HSF5: variants seen among roughly 807,000 people sequenced by gnomAD.
HSF5 encodes heat shock factor protein 5.
Under a neutral mutation model 50.8 loss-of-function variants are expected in HSF5, and 5 were observed. That is an observed-to-expected ratio of 0.10 (90% CI 0.05 to 0.21). The LOEUF (loss-of-function observed/expected upper bound fraction) is 0.21. HSF5 is among the 10% of genes least tolerant of loss of function. The pLI is 1.00. For missense variants in HSF5, 564 were observed against 762.6 expected, an observed-to-expected ratio of 0.74 and a Z score of 3.07; for synonymous variants, 307 against 307.4, an observed-to-expected ratio of 1.00 and a Z score of 0.02.
At chr17:58,434,000 G>A (rs916592351) in intron 5 of HSF5, among the ~76,000 whole-genome samples, 7 of 144,776 alleles carry the variant, frequency 4.8e-5, no homozygotes, top group African/African-American at 1.8e-4. Context: ...TGCAACCTCC[G>A]CCTCCCGGAT....
chr17:58,465,533 CATGAAAAATGGCCAGCTA>C, intron 3 of HSF5, among the ~76,000 whole-genome samples: 1 of 151,346 alleles, frequency 6.6e-6, no homozygotes, highest in South Asian at 2.1e-4. Flanking sequence ...TCATATCAGC[CATGAAAAATGGCCAGCTA>C]AGTCCCCTTG....
At position 58,423,468 on chromosome 17, in the gene HSF5, A is replaced by AACATG. The variant is rs1974251515; in HGVS notation, c.1721-1043_1721-1039dup. 3.3e-5 allele frequency among the ~76,000 whole-genome samples: 5 copies of AACATG among 151,544 alleles called. No homozygotes were observed. In the South Asian group the frequency reaches 1.1e-3, roughly 32 times the overall value. The stretch of plus-strand genomic sequence containing the variant: ...CTAATGTGCTTACAACTTCTAGAGC[A>AACATG]ACATGACCAGGGAGCTTTTTTTTTT... On this transcript the variant is annotated intron_variant, in intron 5 of 5. Transcript: ENST00000323777.
chr17:58,441,342 C>T (rs1421888969), intron 5 of HSF5, among the ~76,000 whole-genome samples: 1 of 151,952 alleles, frequency 6.6e-6, no homozygotes, highest in African/African-American at 2.4e-5. Flanking sequence ...AAATACAACA[C>T]CAAACTTTGC....
chr17:58,477,004 G>A (rs1567917971), intron 2 of HSF5: 3 of 581,510 alleles, frequency 5.2e-6, no homozygotes, highest in East Asian at 5.7e-5. Context: ...GGAACAGGCA[G>A]GCAGCTTCCC....
Position 58,422,284 on chromosome 17 carries a change from C to T in HSF5, c.*76G>A. 1 of 1,056,698 alleles carries T rather than the reference C, an allele frequency of 9.5e-7. No individual in the cohort carries two copies. The highest frequency in any genetic ancestry group is 1.4e-5 in the South Asian group (1 of 70,828). 65.5% of individuals were successfully genotyped at this position (1,056,698 alleles called of 1,614,324 possible). ...TTCCTTAACAGAACTGAAAAAATCC[C>T]AACAGTTTGTCATGTGCAAGGCTAG... On this transcript the variant is annotated 3_prime_UTR_variant, in exon 6 of 6. Transcript: ENST00000323777.
chr17:58,423,915 C>G (rs1974257427), intron 5 of HSF5, among the ~76,000 whole-genome samples: 1 of 152,192 alleles, frequency 6.6e-6, no homozygotes, highest in Non-Finnish European at 1.5e-5. Context: ...AACACAGCCT[C>G]TACAGGATTG....
intron 5 of HSF5, among the ~76,000 whole-genome samples, chr17:58,442,939 G>C (rs569660172): frequency 1.3e-5 from 2 of 148,758 alleles, no homozygotes; most frequent in Non-Finnish European, 3.0e-5. Flanking sequence ...ACAGAGTTTC[G>C]CTCTGTTGCC....
rs982833356 is a variant in HSF5, at chr17:58,429,889, T to TA, written c.1721-7460dup. Among the ~76,000 whole-genome samples the TA allele has an allele frequency of 1.1e-3, 159 of 146,796 alleles. 1 individual carries two copies. The highest frequency in any genetic ancestry group is 6.5e-3 in the South Asian group (30 of 4,618). On this transcript the variant is annotated intron_variant, in intron 5 of 5. Transcript: ENST00000323777. The stretch of plus-strand genomic sequence containing the variant: ...GTTTAATTCTATGTTAATTTTACCT[T>TA]AAAAAAAAAAGGTATATTTTCCTGT...
intron 5 of HSF5, among the ~76,000 whole-genome samples, chr17:58,438,249 C>G (rs141589207): frequency 6.6e-6 from 1 of 152,138 alleles, no homozygotes; most frequent in Non-Finnish European, 1.5e-5. Flanking sequence ...ATTACAATTG[C>G]TTACAATATT....
intron 5 of HSF5, among the ~76,000 whole-genome samples, chr17:58,451,440 A>G (rs1974640510): frequency 6.6e-6 from 1 of 152,228 alleles, no homozygotes; most frequent in Non-Finnish European, 1.5e-5. Context: ...ACGTTAGGCC[A>G]TAAAAGAAGT....
chr17:58,462,091 G>A (rs1974802633), intron 4 of HSF5, among the ~76,000 whole-genome samples: 1 of 152,086 alleles, frequency 6.6e-6, no homozygotes, highest in African/African-American at 2.4e-5. Context: ...TGTTCAGTGT[G>A]TACACATTAT....
At chr17:58,457,168 G>A (rs985579770) in intron 5 of HSF5, among the ~76,000 whole-genome samples, 6 of 151,954 alleles carry the variant, frequency 3.9e-5, no homozygotes, top group Admixed American at 6.6e-5. Context: ...GCTGAGGCAG[G>A]AGAATCACTT....
chr17:58,476,920 CT>C, intron 2 of HSF5: 2 of 879,392 alleles, frequency 2.3e-6, no homozygotes, highest in Non-Finnish European at 3.6e-6. Context: ...AGTTGAGCTC[CT>C]TTTTACTGAT....
At chr17:58,425,362 C>T (rs553539071) in intron 5 of HSF5, among the ~76,000 whole-genome samples, 2 of 150,800 alleles carry the variant, frequency 1.3e-5, no homozygotes, top group East Asian at 1.9e-4. Flanking sequence ...GCCGAGATTG[C>T]GTCATTGCAC....
chr17:58,477,059 T>C, intron 2 of HSF5: 2 of 504,178 alleles, frequency 4.0e-6, no homozygotes, highest in Non-Finnish European at 7.2e-6. Context: ...AGCCACCTCC[T>C]CCCAGCGCTG....
At chr17:58,485,166 G>A (rs1975152308) in intron 1 of HSF5, among the ~76,000 whole-genome samples, 1 of 151,670 alleles carries the variant, frequency 6.6e-6, no homozygotes, top group African/African-American at 2.4e-5. Flanking sequence ...TGTTGGCCAG[G>A]ATGGTCTCGA....
At chr17:58,447,324 C>T (rs1270236827) in intron 5 of HSF5, among the ~76,000 whole-genome samples, 6 of 152,222 alleles carry the variant, frequency 3.9e-5, no homozygotes, top group African/African-American at 1.4e-4. Flanking sequence ...CAGCCAGCTT[C>T]ACCACTGTCT....
chr17:58,427,995 G>A (rs1391921671), intron 5 of HSF5, among the ~76,000 whole-genome samples: 7 of 152,234 alleles, frequency 4.6e-5, no homozygotes, highest in Admixed American at 4.6e-4. Context: ...ATGCACGGCT[G>A]TGACTGCATG....
chr17:58,457,481 C>T (rs1974729210), intron 5 of HSF5, among the ~76,000 whole-genome samples: 1 of 151,908 alleles, frequency 6.6e-6, no homozygotes, highest in Non-Finnish European at 1.5e-5. Flanking sequence ...CACCTGTAGT[C>T]CCAGCTACTC....
Sources: allele counts gnomAD v4.1 joint callset (sites outside exome capture counted in the v4.1 genomes callset), GRCh38; gene constraint gnomAD v4.1.1; transcripts MANE v1.5; gene names NCBI Gene and HGNC (gene_info 2026-07-23, HGNC 2026-07-21).